PASK: variants seen among roughly 807,000 people sequenced by gnomAD.
The protein encoded by PASK is PAS domain containing serine/threonine kinase, also known as PAS domain-containing serine/threonine-protein kinase.
A neutral mutation model predicts 121.0 loss-of-function variants in PASK; 110 were observed. That is an observed-to-expected ratio of 0.91 (90% CI 0.78 to 1.06). The LOEUF (loss-of-function observed/expected upper bound fraction) is 1.06, where lower values mean the gene tolerates loss of function less well. Ranked by LOEUF, PASK falls within the 50% of genes least tolerant of loss-of-function variation. The pLI, the probability that PASK is intolerant of heterozygous loss-of-function variation, is 0.00. For synonymous variants in PASK, 686 were observed against 717.8 expected (o/e 0.96, Z 0.71); for missense variants, 1,643 against 1,702.3 (o/e 0.97, Z 0.61).
upstream of PASK, chr2:241,149,727 G>A: frequency 6.5e-7 from 1 of 1,547,604 alleles, no homozygotes; most frequent in East Asian, 2.4e-5. Flanking sequence ...CGCAGAGCTC[G>A]CCTCTTGGAG....
chr2:241,139,700 C>A, intron 4 of PASK, 185 bp downstream of exon 4: 1 of 713,496 alleles, frequency 1.4e-6, no homozygotes, highest in East Asian at 2.7e-5. Context: ...TCTTAAAGGG[C>A]CCCCACCCCC....
In PASK at chr2:241,137,073, G is replaced by A. The variant is rs2066469461; in HGVS notation, c.1068C>T (p.Thr356=). The part of the protein sequence containing the change: ...SGLITLLPDG[T]IHGINHSFAL... Reference sequence around the variant, plus strand: ...CGAAGCTGTGGTTGATGCCGTGGATGGTCCCATCCGGCAGGAGGGTGATGA... The same window carrying A: ...CGAAGCTGTGGTTGATGCCGTGGATAGTCCCATCCGGCAGGAGGGTGATGA... Residue 356 remains threonine (T), a synonymous_variant, in exon 7 of 18, where the codon ACC becomes ACT. Coordinates refer to ENST00000234040, the MANE Select transcript of PASK (RefSeq NM_015148.4). The A allele has an allele frequency of 8.7e-6, 14 of 1,613,474 alleles. No homozygotes were observed. The highest frequency in any genetic ancestry group is 1.0e-5 in the Non-Finnish European group (12 of 1,179,716).
rs1280283513 is a variant in PASK, at chr2:241,126,370, A to C, written c.2545T>G (p.Ser849Ala). The change falls in exon 10 of 18, where the codon TCC (serine) becomes GCC (alanine). Residue 849 changes from serine (S) to alanine (A), a missense_variant. Around this residue, in one of 3 missense-constraint regions of PASK, gnomAD observed 1,176 missense variants for 1,162.2 expected, o/e 1.01. Transcript: ENST00000234040. ...SDRESPGHVP[S>A]TLDAGPEDTC... ...TCCTCAGGGCCAGCATCCAACGTGG[A>C]AGGAACGTGTCCTGGGCTTTCTCTG... The C allele has an allele frequency of 1.2e-6, 2 of 1,614,220 alleles. No individual in the cohort carries two copies. The highest frequency in any genetic ancestry group is 2.2e-5 in the South Asian group (2 of 91,086).
upstream of PASK, chr2:241,150,310 G>T (rs1020617431): frequency 5.2e-6 from 7 of 1,335,430 alleles, no homozygotes; most frequent in African/African-American, 1.1e-4. Flanking sequence ...ACCTGCTCTG[G>T]GGGAGGCGCG....
chr2:241,142,933 T>C lies in PASK; in HGVS notation c.100A>G (p.Thr34Ala), dbSNP rs1433089910. Residue 34 changes from threonine to alanine, a missense_variant, in exon 2 of 18, where the codon ACT becomes GCT. Thr to Ala is a moderately conservative substitution (Grantham distance 58, BLOSUM62 0). Around this residue, in one of 3 missense-constraint regions of PASK, gnomAD observed 1,176 missense variants for 1,162.2 expected, o/e 1.01. Transcript: ENST00000234040. ...VSAEGPAAQT[T>A]AEPSRSFSSA... is the part of the protein sequence containing the mutation. Reference sequence around the variant, plus strand: ...GAAAACGACCTGCTGGGCTCAGCAGTGGTCTGTGCAGCTGGGCCCTCTGCT... The same window carrying C: ...GAAAACGACCTGCTGGGCTCAGCAGCGGTCTGTGCAGCTGGGCCCTCTGCT... 12 of 1,613,106 alleles carry C rather than the reference T, an allele frequency of 7.4e-6. No individual in the cohort carries two copies. The Admixed American group carries it at 1.2e-4, about 16-fold the overall frequency.
In PASK at chr2:241,127,241, C is replaced by T; in HGVS notation, c.1674G>A (p.Gly558=). 1 of 1,614,254 alleles carries T rather than the reference C, an allele frequency of 6.2e-7. No homozygotes were observed. The highest frequency in any genetic ancestry group is 1.1e-5 in the South Asian group (1 of 91,092). Residue 558 remains glycine (G), a synonymous_variant, in exon 10 of 18, where the codon GGG becomes GGA. Transcript: ENST00000234040. The part of the protein sequence containing the change: ...DSEAPVPAED[G]GSDAGMCGLC... ...GGCCACACATGCCAGCATCACTGCCCCCATCCTCAGCTGGGACTGGAGCTT... is the reference window on the plus strand; with the variant it reads ...GGCCACACATGCCAGCATCACTGCCTCCATCCTCAGCTGGGACTGGAGCTT...
intron 17 of PASK, 94 bp downstream of exon 17, chr2:241,107,259 C>A: frequency 9.2e-7 from 1 of 1,086,826 alleles, no homozygotes; most frequent in Non-Finnish European, 1.4e-6. Flanking sequence ...GGGAGAGAGC[C>A]TCCTTTTCCT....
At chr2:241,146,439 AAAAGGGAGGGAAG>A (rs966444301) in intron 1 of PASK, among the ~76,000 whole-genome samples, 3 of 152,212 alleles carry the variant, frequency 2.0e-5, no homozygotes, top group Non-Finnish European at 2.9e-5. Context: ...ACAGGCAGAA[AAAAGGGAGGGAAG>A]AAAGGGAGGG....
chr2:241,111,728 A>G lies in PASK; in HGVS notation c.3533+512T>C, dbSNP rs186629036. Among the ~76,000 whole-genome samples the G allele has an allele frequency of 1.5e-3, 233 of 152,296 alleles. 1 individual carries two copies. Among genetic ancestry groups the G allele is most frequent in the Admixed American group, 3.3e-3 (51 of 15,288 alleles). On this transcript the variant is annotated intron_variant, in intron 15 of 17. Transcript: ENST00000234040. ...GCCGCTTCTCCCCACAGCAGAGCAG[A>G]GGCTCAGCTGGCCCACTCCAGTGAC... is the stretch of plus-strand genomic sequence containing the variant.
chr2:241,108,782 G>A lies in PASK; in HGVS notation c.3534-482C>T, dbSNP rs1366118809. On this transcript the variant is annotated intron_variant, in intron 15 of 17. Coordinates refer to ENST00000234040, the MANE Select transcript of PASK (RefSeq NM_015148.4). The surrounding 1 kb of genome is among the most constrained non-coding windows in gnomAD (Gnocchi z 5.2). The stretch of plus-strand genomic sequence containing the variant: ...CCTTTAGGAAGATGGCTGTGGCGAC[G>A]ATGTGAAGGGTGCTGCAGGACGAGA... 1.1e-5 allele frequency: 3 copies of A among 273,042 alleles called. No individual in the cohort carries two copies. The highest frequency in any genetic ancestry group is 9.1e-5 in the East Asian group (1 of 10,960). 16.9% of individuals were successfully genotyped at this position (273,042 alleles called of 1,614,324 possible).
At position 241,142,709 on chromosome 2, in the gene PASK, A is replaced by G. The variant is rs530132814; in HGVS notation, c.196+128T>C. 2.5e-4 allele frequency: 184 copies of G among 750,756 alleles called. No individual in the cohort carries two copies. The African/African-American group carries it at 2.9e-3, about 12-fold the overall frequency. 46.5% of individuals were successfully genotyped at this position (750,756 alleles called of 1,614,324 possible). A position where few individuals can be genotyped will look rare whatever the true frequency, so the allele number is the denominator to read the frequency against. The stretch of plus-strand genomic sequence containing the variant: ...CTGCCAGCATGAGCCGAGCACTTAA[A>G]CCACGAACTTTTCTCTGCAGGAATA... On this transcript the variant is annotated intron_variant, in intron 2 of 17. Coordinates refer to ENST00000234040, the MANE Select transcript of PASK (RefSeq NM_015148.4).
At chr2:241,114,576 G>A (rs1379845939) in intron 14 of PASK, 9 of 1,017,016 alleles carry the variant, frequency 8.8e-6, no homozygotes, top group African/African-American at 8.6e-5. Context: ...AATTAGACAC[G>A]AAACAGATCA....
Position 241,115,031 on chromosome 2 carries a change from G to A in PASK, c.3333+12C>T. ...CTGCGTTCACACTAACACGGCTCTG[G>A]CCTGCTCTCACTTGTCGGAAGATGT... On this transcript the variant is annotated intron_variant, in intron 14 of 17. Coordinates refer to ENST00000234040, the MANE Select transcript of PASK (RefSeq NM_015148.4). 1 of 1,614,138 alleles carries A rather than the reference G, an allele frequency of 6.2e-7. No homozygotes were observed.
chr2:241,107,584 C>T (rs2064941669), intron 16 of PASK, 85 bp from the exon 17 acceptor site: 1 of 1,346,312 alleles, frequency 7.4e-7, no homozygotes. Context: ...CACCACCCCC[C>T]CGCAGAGCCT....
Position 241,126,978 on chromosome 2 carries a change from G to C in PASK, c.1937C>G (p.Pro646Arg). ...TCGGTCGTTTTCCACTCCCAGCCAC[G>C]GCTCATCTAGAGTAGGTGTCCCAAA... ...LSFGTPTLDEPWLGVENDREE... is the reference protein window; with the variant it reads ...LSFGTPTLDERWLGVENDREE... Residue 646 changes from proline (P) to arginine (R), a missense_variant, in exon 10 of 18, where the codon CCG becomes CGG. Pro to Arg is a moderately radical substitution (Grantham distance 103, BLOSUM62 -2). Transcript: ENST00000234040. 1 of 1,614,244 alleles carries C rather than the reference G, an allele frequency of 6.2e-7. No individual in the cohort carries two copies. Among genetic ancestry groups the C allele is most frequent in the Non-Finnish European group, 8.5e-7 (1 of 1,180,036 alleles).
At chr2:241,139,734 G>A in intron 4 of PASK, 151 bp downstream of exon 4, 1 of 774,100 alleles carries the variant, frequency 1.3e-6, no homozygotes, top group Non-Finnish European at 2.3e-6. Context: ...CGGGGAAACG[G>A]CGCCTGGGAT....
chr2:241,112,430 C>T lies in PASK; in HGVS notation c.3343G>A (p.Ala1115Thr). 1.2e-6 allele frequency: 2 copies of T among 1,611,956 alleles called. No homozygotes were observed. The highest frequency in any genetic ancestry group is 2.2e-5 in the South Asian group (2 of 91,036). The change falls in exon 15 of 18, where the codon GCA becomes ACA. Residue 1115 changes from alanine to threonine, a missense_variant. Physicochemically the swap from Ala to Thr is moderately conservative, Grantham distance 58. This residue lies in a region of PASK where 453 missense variants were observed against 511.2 expected (regional missense o/e 0.89). Coordinates refer to ENST00000234040, the MANE Select transcript of PASK (RefSeq NM_015148.4). The surrounding 1 kb of genome is among the most constrained non-coding windows in gnomAD (Gnocchi z 5.2). The stretch of plus-strand genomic sequence containing the variant: ...TCCTTCAAGCGCAGGTATCCCACTG[C>T]TGACACTAGCTGGAATCAGGAGGCC... ...ASYIFRQLVSAVGYLRLKDII... is the reference protein window; with the variant it reads ...ASYIFRQLVSTVGYLRLKDII...
intron 12 of PASK, among the ~76,000 whole-genome samples, chr2:241,119,172 T>C (rs145596524): frequency 6.6e-6 from 1 of 152,386 alleles, no homozygotes; most frequent in Non-Finnish European, 1.5e-5. Context: ...GATCACCCTG[T>C]TGATACACAT....
chr2:241,122,942 C>T, intron 11 of PASK, 43 bp from the exon 12 acceptor site: 1 of 1,601,100 alleles, frequency 6.2e-7, no homozygotes, highest in Non-Finnish European at 8.5e-7. Flanking sequence ...TGCAACTGCA[C>T]CGGGCAGAGG....
Sources: gnomAD v4.1 joint callset for allele counts (sites outside exome capture counted in the v4.1 genomes callset) on GRCh38, gnomAD v4.1.1 for gene constraint, gnomAD v4.1.1 regional missense constraint, Gnocchi (gnomAD v3.1) non-coding constraint, MANE v1.5 for transcripts, NCBI Gene and HGNC (gene_info 2026-07-23, HGNC 2026-07-21) for gene names.